The following MACF1 variants were observed in gnomAD, a reference collection of about 807,000 sequenced individuals.
MACF1 encodes microtubule actin crosslinking factor 1.
In MACF1, 193 loss-of-function variants were observed where a neutral mutation model predicts 854.8. The observed-to-expected ratio is 0.23, with a 90% CI of 0.20 to 0.25. MACF1 has a LOEUF of 0.25. Ranked by LOEUF, MACF1 falls within the 10% of genes least tolerant of loss-of-function variation. MACF1 has a pLI of 1.00. For missense variants in MACF1, 7,722 were observed against 8,929.1 expected, an observed-to-expected ratio of 0.86 and a Z score of 5.45; for synonymous variants, 3,185 against 3,226.7, an observed-to-expected ratio of 0.99 and a Z score of 0.44.
intron 2 of MACF1, among the ~76,000 whole-genome samples, chr1:39,161,024 G>A (rs1037414494): frequency 6.6e-6 from 1 of 152,184 alleles, no homozygotes; most frequent in Non-Finnish European, 1.5e-5. Context: ...GGAGAATAGA[G>A]ACATTGTACA....
chr1:39,327,452 AC>A (rs1646636788), intron 36 of MACF1, 99 bp downstream of exon 36: 1 of 1,269,000 alleles, frequency 7.9e-7, no homozygotes, highest in African/African-American at 1.5e-5. Flanking sequence ...GCTTTCCATG[AC>A]CAATGTGACT....
At chr1:39,278,685 T>C (rs973427563) in intron 6 of MACF1, among the ~76,000 whole-genome samples, 2 of 152,196 alleles carry the variant, frequency 1.3e-5, no homozygotes, top group African/African-American at 4.8e-5. Context: ...GTGAAGGCAG[T>C]GGGATATATC....
At chr1:39,174,135 CT>C (rs1643992570) in intron 2 of MACF1, among the ~76,000 whole-genome samples, 1 of 152,168 alleles carries the variant, frequency 6.6e-6, no homozygotes, top group East Asian at 1.9e-4. Context: ...TTCTTCCTGT[CT>C]TTTATGAAAT....
chr1:39,334,111 T>C lies in MACF1; in HGVS notation c.7523T>C (p.Ile2508Thr), dbSNP rs754525154. Reference sequence around the variant, plus strand: ...AAGCAAGTGGTAGATGGAGGTATCATTCACCATATATCTGGGATGAGACTT... The same window carrying C: ...AAGCAAGTGGTAGATGGAGGTATCACTCACCATATATCTGGGATGAGACTT... The part of the protein sequence containing the change: ...LTKQVVDGGI[I>T]HHISGMRLSV... The change falls in exon 37 of 101, where the codon ATT becomes ACT. Residue 2508 changes from isoleucine to threonine, a missense_variant. This residue lies in a region of MACF1 where 1,531 missense variants were observed against 1,601.6 expected (regional missense o/e 0.96). Transcript: ENST00000564288. 2.5e-6 allele frequency: 4 copies of C among 1,614,170 alleles called. No homozygotes were observed. The highest frequency in any genetic ancestry group is 2.5e-6 in the Non-Finnish European group (3 of 1,180,016).
At position 39,454,889 on chromosome 1, in the gene MACF1, G is replaced by T. The variant is rs766812710; in HGVS notation, c.20887-20G>T. The T allele has an allele frequency of 3.7e-6, 6 of 1,602,390 alleles. No individual in the cohort carries two copies. ...GTATGCTTGACTGAAAGAGGCCATG[G>T]TTTCCTTCTTTTTCCACAGGTCCTG... On this transcript the variant is annotated intron_variant, in intron 88 of 100. Transcript: ENST00000564288.
Position 39,335,281 on chromosome 1 carries a change from C to T in MACF1, c.8693C>T (p.Ala2898Val), listed in dbSNP as rs1459186199. The T allele has an allele frequency of 6.2e-6, 10 of 1,613,922 alleles. No homozygotes were observed. Among genetic ancestry groups the T allele is most frequent in the Non-Finnish European group, 7.6e-6 (9 of 1,179,950 alleles). ...SECDFKLKEV[A>V]RNNMGNDTNE... is the part of the protein sequence containing the mutation. ...TGTGATTTTAAACTTAAAGAAGTGG[C>T]TAGAAATAACATGGGAAATGATACA... The change falls in exon 37 of 101, where the codon GCT (alanine) becomes GTT (valine). Residue 2898 changes from alanine to valine, a missense_variant. This residue lies in a region of MACF1 where 854 missense variants were observed against 852.6 expected (regional missense o/e 1.00). Coordinates refer to ENST00000564288, the MANE Select transcript of MACF1 (RefSeq NM_001394062.1).
chr1:39,463,786 C>A, intron 94 of MACF1, 100 bp downstream of exon 94: 1 of 1,033,296 alleles, frequency 9.7e-7, no homozygotes, highest in Non-Finnish European at 1.5e-6. Context: ...GCCCATCGGA[C>A]TTGAGATGTG....
At chr1:39,287,826 T>A (rs1645674223) in intron 15 of MACF1, among the ~76,000 whole-genome samples, 1 of 152,086 alleles carries the variant, frequency 6.6e-6, no homozygotes, top group Non-Finnish European at 1.5e-5. Context: ...TAATTATTGA[T>A]GCTGCCTGAG....
intron 58 of MACF1, chr1:39,411,975 G>A: frequency 6.2e-7 from 1 of 1,613,972 alleles, no homozygotes; most frequent in Non-Finnish European, 8.5e-7. Flanking sequence ...TTAGCAAGGA[G>A]GAATGTGAAA....
Position 39,100,904 on chromosome 1 carries a change from A to ACG in MACF1, c.220+16466_220+16467insCG, listed in dbSNP as rs1557452471. Among the ~76,000 whole-genome samples the ACG allele has an allele frequency of 7.5e-4, 106 of 140,880 alleles. 2 individuals carry two copies. The East Asian group carries it at 0.012, about 16-fold the overall frequency. The allele number at this position is 140,880 out of a possible 152,430, so 92.4% of individuals were successfully genotyped here. ...TTAAATAAAGTAAACAAATATACAA[A>ACG]TGCACGCGCGCGTGTGTGTGTGTGT... On this transcript the variant is annotated intron_variant, in intron 2 of 93. Transcript: ENST00000361689.
At position 39,109,895 on chromosome 1, in the gene MACF1, C is replaced by T. The variant is rs375737661; in HGVS notation, c.220+25457C>T. ...TCATTATTGTTGTTAGTTTTAGTTT[C>T]TGAAGTATAGTCACACACTTTAAGT... is the stretch of plus-strand genomic sequence containing the variant. On this transcript the variant is annotated intron_variant, in intron 2 of 93. Transcript: ENST00000361689. Among the ~76,000 whole-genome samples the T allele has an allele frequency of 3.3e-5, 5 of 152,124 alleles. No individual in the cohort carries two copies. In the East Asian group the frequency reaches 5.8e-4, roughly 18 times the overall value.
chr1:39,371,575 G>T (rs1649248699), intron 51 of MACF1, among the ~76,000 whole-genome samples: 1 of 152,050 alleles, frequency 6.6e-6, no homozygotes, highest in African/African-American at 2.4e-5. Context: ...ACGTGATGTG[G>T]TATTTTTGTC....
intron 2 of MACF1, among the ~76,000 whole-genome samples, chr1:39,231,624 A>G (rs1277924804): frequency 6.6e-6 from 1 of 152,194 alleles, no homozygotes; most frequent in Non-Finnish European, 1.5e-5. Context: ...TGAAGATACC[A>G]TGGGATGATT....
intron 42 of MACF1, 65 bp downstream of exon 42, chr1:39,349,692 G>T: frequency 6.5e-7 from 1 of 1,542,458 alleles, no homozygotes; most frequent in Non-Finnish European, 8.8e-7. Context: ...GAGTACAGTG[G>T]TGTTATCTTG....
Position 39,349,603 on chromosome 1 carries a change from G to T in MACF1, c.10941G>T (p.Leu3647Phe). 1 of 1,614,088 alleles carries T rather than the reference G, an allele frequency of 6.2e-7. No homozygotes were observed. The highest frequency in any genetic ancestry group is 8.5e-7 in the Non-Finnish European group (1 of 1,179,980). The change falls in exon 42 of 101, where the codon TTG becomes TTT. Residue 3647 changes from leucine (L) to phenylalanine (F), a missense_variant. Leu to Phe is a conservative substitution (Grantham distance 22, BLOSUM62 0). This residue lies in a region of MACF1 where 2,807 missense variants were observed against 3,235.8 expected (regional missense o/e 0.87). Coordinates refer to ENST00000564288, the MANE Select transcript of MACF1 (RefSeq NM_001394062.1). ...CCACCCAGCAGGATCTCTCTGCTTT[G>T]CAGAAGAACCAAAGTGACTTGAAGG... ...GRTTQQDLSALQKNQSDLKDL... is the reference protein window; with the variant it reads ...GRTTQQDLSAFQKNQSDLKDL...
chr1:39,129,338 G>A (rs1232120515), intron 2 of MACF1, among the ~76,000 whole-genome samples: 1 of 152,196 alleles, frequency 6.6e-6, no homozygotes, highest in African/African-American at 2.4e-5. Context: ...CTTGTGAGAG[G>A]TGGGGATATG....
chr1:39,132,160 T>C (rs984168150), intron 2 of MACF1, among the ~76,000 whole-genome samples: 1 of 152,056 alleles, frequency 6.6e-6, no homozygotes, highest in African/African-American at 2.4e-5. Context: ...AAGCATTGAG[T>C]CCCTCCTAGC....
chr1:39,429,970 C>A lies in MACF1; in HGVS notation c.17032C>A (p.Leu5678Met), dbSNP rs753052764. 1 of 1,613,780 alleles carries A rather than the reference C, an allele frequency of 6.2e-7. No individual in the cohort carries two copies. Among genetic ancestry groups the A allele is most frequent in the African/African-American group, 1.3e-5 (1 of 74,910 alleles). ...CAAGTTCCAGTCTACTTATGAGGAA[C>A]TGACCGGGTGGCTGAGGGAGGTGGA... is the stretch of plus-strand genomic sequence containing the variant. ...ATKFQSTYEE[L>M]TGWLREVEEE... Residue 5678 changes from leucine to methionine, a missense_variant, in exon 65 of 101, where the codon CTG becomes ATG. This residue lies in a region of MACF1 where 2,807 missense variants were observed against 3,235.8 expected (regional missense o/e 0.87). Transcript: ENST00000564288.
At chr1:39,327,663 A>C (rs1646641646) in intron 36 of MACF1, among the ~76,000 whole-genome samples, 1 of 152,246 alleles carries the variant, frequency 6.6e-6, no homozygotes, top group Admixed American at 6.5e-5. Context: ...ATCACAGGGC[A>C]GTAACATACT....
Sources: gnomAD v4.1 joint callset for allele counts (sites outside exome capture counted in the v4.1 genomes callset) on GRCh38, gnomAD v4.1.1 for gene constraint, gnomAD v4.1.1 regional missense constraint, MANE v1.5 for transcripts, NCBI Gene and HGNC (gene_info 2026-07-23, HGNC 2026-07-21) for gene names.